The following BANP variants were observed in gnomAD, a reference collection of about 807,000 sequenced individuals.
BANP encodes protein BANP.
BANP carries 11 observed loss-of-function variants against 68.1 expected under a neutral mutation model. That is an observed-to-expected ratio of 0.16 (90% CI 0.10 to 0.27). The LOEUF (loss-of-function observed/expected upper bound fraction) is 0.27. Among genes scored for constraint, BANP ranks in the 10% least tolerant of loss-of-function variants. The pLI is 1.00. For synonymous variants in BANP, 329 were observed against 303.2 expected (o/e 1.09, Z -0.88); for missense variants, 504 against 722.7 (o/e 0.70, Z 3.47).
At position 87,976,474 on chromosome 16, in the gene BANP, GT is replaced by G. The variant is rs59786663; in HGVS notation, c.70+1304del. The stretch of plus-strand genomic sequence containing the variant: ...TTGTCCACACTTATTGTTTTAAAAA[GT>G]TTTTTTTTTTTTTTGGCCATAAAGT... On this transcript the variant is annotated intron_variant, in intron 2 of 13. Transcript: ENST00000682872. Among the ~76,000 whole-genome samples the G allele has an allele frequency of 7.9e-3, 760 of 95,954 alleles. 9 individuals carry two copies. The highest frequency in any genetic ancestry group is 0.037 in the Middle Eastern group (4 of 108). 62.9% of individuals were successfully genotyped at this position (95,954 alleles called of 152,430 possible). A position where few individuals can be genotyped will look rare whatever the true frequency, so the allele number is the denominator to read the frequency against.
intron 11 of BANP, among the ~76,000 whole-genome samples, chr16:88,053,564 CCATCATCTCCAT>C (rs2083943572): frequency 7.0e-6 from 1 of 143,808 alleles, no homozygotes; most frequent in South Asian, 2.3e-4. Flanking sequence ...ACCACCTCCA[CCATCATCTCCAT>C]CATCATCATC....
At chr16:88,021,458 G>T (rs2076012303) in intron 7 of BANP, among the ~76,000 whole-genome samples, 3 of 152,188 alleles carry the variant, frequency 2.0e-5, no homozygotes, top group South Asian at 4.1e-4. Context: ...CATGAGGAAG[G>T]CTGGCCTGTC....
At chr16:88,016,161 T>G (rs1183396259) in intron 6 of BANP, among the ~76,000 whole-genome samples, 2 of 152,232 alleles carry the variant, frequency 1.3e-5, no homozygotes, top group Non-Finnish European at 2.9e-5. Flanking sequence ...AGGTTTAATC[T>G]GACCAGGAAA....
intron 1 of BANP, among the ~76,000 whole-genome samples, chr16:87,962,976 G>T (rs760215196): frequency 6.6e-6 from 1 of 152,122 alleles, no homozygotes; most frequent in African/African-American, 2.4e-5. Context: ...CTTACATCCC[G>T]AGAGGATTTG....
chr16:87,966,214 A>G (rs1161732127), intron 1 of BANP, among the ~76,000 whole-genome samples: 3 of 151,080 alleles, frequency 2.0e-5, no homozygotes, highest in African/African-American at 7.3e-5. Flanking sequence ...ATTCTTCACC[A>G]CTCCTGTTCT....
At chr16:88,034,424 T>A (rs1364232853) in intron 9 of BANP, among the ~76,000 whole-genome samples, 4 of 152,182 alleles carry the variant, frequency 2.6e-5, no homozygotes, top group Non-Finnish European at 4.4e-5. Context: ...ATTTACAGGT[T>A]TATAGGAATT....
intron 1 of BANP, chr16:87,960,106 C>G (rs2058858648): frequency 6.6e-6 from 1 of 152,520 alleles, no homozygotes; most frequent in Non-Finnish European, 1.5e-5. Context: ...GGCTGGCCCT[C>G]ATGCACACCA....
Position 88,071,987 on chromosome 16 carries a change from C to A in BANP, c.1378-82C>A. 1 of 1,522,024 alleles carries A rather than the reference C, an allele frequency of 6.6e-7. No individual in the cohort carries two copies. 94.3% of individuals were successfully genotyped at this position (1,522,024 alleles called of 1,614,324 possible). ...GGGGACAGCACGTGTGGGCTGGGGT[C>A]TGCGGTCTGTGGAGCCATGTGGGTT... On this transcript the variant is annotated intron_variant, in intron 12 of 13. Coordinates refer to ENST00000682872, the MANE Select transcript of BANP (RefSeq NM_001386991.1). The surrounding 1 kb of genome is among the most constrained non-coding windows in gnomAD (Gnocchi z 6.5).
At chr16:87,950,855 C>G (rs2056736184), upstream of BANP, 1 of 152,292 alleles carries the variant, frequency 6.6e-6, no homozygotes. Context: ...ACTGGGGACC[C>G]CTGACCACTT....
At chr16:88,041,341 G>A (rs1289000463) in intron 11 of BANP, among the ~76,000 whole-genome samples, 2 of 152,184 alleles carry the variant, frequency 1.3e-5, no homozygotes, top group Admixed American at 1.3e-4. Flanking sequence ...GGCCTTGGTG[G>A]CTGCGGTGCT....
Position 87,974,928 on chromosome 16 carries a change from A to G in BANP, c.-68-120A>G, listed in dbSNP as rs148100324. 210 of 584,870 alleles carry G rather than the reference A, an allele frequency of 3.6e-4. No homozygotes were observed. In the African/African-American group the frequency reaches 3.6e-3, roughly 10 times the overall value. The allele number at this position is 584,870 out of a possible 1,614,324, so 36.2% of individuals were successfully genotyped here. On this transcript the variant is annotated intron_variant, in intron 1 of 13. Coordinates refer to ENST00000682872, the MANE Select transcript of BANP (RefSeq NM_001386991.1). ...GGGTTTGAGGCAAGAAGAACCCTGCATGTAAAACTCCACAGACGTTCGCGG... is the reference window on the plus strand; with the variant it reads ...GGGTTTGAGGCAAGAAGAACCCTGCGTGTAAAACTCCACAGACGTTCGCGG...
intron 13 of BANP, among the ~76,000 whole-genome samples, chr16:88,072,425 C>T (rs1041789451): frequency 6.6e-6 from 1 of 152,266 alleles, no homozygotes; most frequent in Admixed American, 6.5e-5. Context: ...CAAATTCCAA[C>T]TGATTCTTGA....
chr16:87,957,933 C>T lies in BANP; in HGVS notation c.-69+6418C>T, dbSNP rs1271043427. Among the ~76,000 whole-genome samples, 25 of 151,796 alleles carry T rather than the reference C, an allele frequency of 1.6e-4. No individual in the cohort carries two copies. Among genetic ancestry groups the T allele is most frequent in the Admixed American group, 1.4e-3 (21 of 15,244 alleles). ...CAGCTCTTGTGTCGGTGGGAGCTGG[C>T]GGTGGGTCCCTGAGCAGAGTGCTGC... On this transcript the variant is annotated intron_variant, in intron 1 of 13. Coordinates refer to ENST00000682872, the MANE Select transcript of BANP (RefSeq NM_001386991.1). The surrounding 1 kb of genome is among the most constrained non-coding windows in gnomAD (Gnocchi z 4.3).
At chr16:88,001,983 A>G (rs1485333373) in intron 4 of BANP, among the ~76,000 whole-genome samples, 2 of 152,168 alleles carry the variant, frequency 1.3e-5, no homozygotes, top group Non-Finnish European at 2.9e-5. Flanking sequence ...TTGTTCAACT[A>G]CAATGGTTGA....
intron 1 of BANP, among the ~76,000 whole-genome samples, chr16:87,954,237 A>G (rs1021866705): frequency 2.0e-5 from 3 of 151,942 alleles, no homozygotes. Flanking sequence ...TTCACAATCA[A>G]ATTTTTAATG....
intron 11 of BANP, among the ~76,000 whole-genome samples, chr16:88,052,464 C>G (rs187428537): frequency 1.3e-5 from 2 of 150,454 alleles, no homozygotes; most frequent in East Asian, 3.9e-4. Flanking sequence ...TTTCTAGGAC[C>G]GTTCAAGGAG....
intron 8 of BANP, among the ~76,000 whole-genome samples, chr16:88,030,702 G>A (rs1238738426): frequency 2.0e-5 from 3 of 152,214 alleles, no homozygotes; most frequent in Admixed American, 1.3e-4. Flanking sequence ...GTGTGAAGCC[G>A]AGTGTTTTGC....
chr16:88,048,849 A>G (rs2082605088), intron 11 of BANP, among the ~76,000 whole-genome samples: 1 of 152,184 alleles, frequency 6.6e-6, no homozygotes, highest in Non-Finnish European at 1.5e-5. Context: ...TGTTCTCGGT[A>G]TCGAATTGGC....
chr16:88,065,056 T>A (rs918118109), intron 11 of BANP, among the ~76,000 whole-genome samples: 3 of 152,112 alleles, frequency 2.0e-5, no homozygotes, highest in Non-Finnish European at 2.9e-5. Flanking sequence ...TTTGTTTCTG[T>A]TGTTTTTGCT....
Sources: allele counts gnomAD v4.1 joint callset (sites outside exome capture counted in the v4.1 genomes callset), GRCh38; gene constraint gnomAD v4.1.1; non-coding constraint Gnocchi (gnomAD v3.1); transcripts MANE v1.5; gene names NCBI Gene and HGNC (gene_info 2026-07-23, HGNC 2026-07-21).